The following CEP128 variants were observed in gnomAD, a reference collection of about 807,000 sequenced individuals.
CEP128 encodes the protein centrosomal protein 128.
In CEP128, 132 loss-of-function variants were observed where a neutral mutation model predicts 156.7. That is an observed-to-expected ratio of 0.84 (90% confidence interval 0.73 to 0.97). The LOEUF is 0.97. Among genes scored for constraint, CEP128 ranks in the 50% least tolerant of loss-of-function variants. The pLI is 0.00. For missense variants in CEP128, 1,252 were observed against 1,281.9 expected, an observed-to-expected ratio of 0.98 and a Z score of 0.36; for synonymous variants, 469 against 448.9, an observed-to-expected ratio of 1.04 and a Z score of -0.57.
At chr14:80,730,783 T>C (rs1202071054) in intron 19 of CEP128, among the ~76,000 whole-genome samples, 3 of 152,198 alleles carry the variant, frequency 2.0e-5, no homozygotes, top group Non-Finnish European at 4.4e-5. Flanking sequence ...AAAGTAGTTA[T>C]CACTTTCATA....
At chr14:80,517,674 C>T (rs149900213) in intron 23 of CEP128, among the ~76,000 whole-genome samples, 292 of 152,250 alleles carry the variant, frequency 1.9e-3, no homozygotes, top group African/African-American at 6.5e-3. Context: ...CCCAAGATGG[C>T]GGCAAGCCTC....
intron 24 of CEP128, among the ~76,000 whole-genome samples, chr14:80,499,229 CAGTT>C (rs1887629177): frequency 1.3e-5 from 2 of 152,186 alleles, no homozygotes; most frequent in African/African-American, 4.8e-5. Context: ...CATCTTTTCA[CAGTT>C]AGCCGGGTAG....
intron 19 of CEP128, among the ~76,000 whole-genome samples, chr14:80,594,270 T>C (rs1892218227): frequency 1.3e-5 from 2 of 152,206 alleles, no homozygotes; most frequent in African/African-American, 4.8e-5. Context: ...GCTAGCCATA[T>C]GCAGAAAACT....
downstream of CEP128, among the ~76,000 whole-genome samples, chr14:80,488,441 C>G (rs1357133394): frequency 1.3e-5 from 2 of 151,074 alleles, no homozygotes; most frequent in East Asian, 2.0e-4. Context: ...GAGATACCAT[C>G]TCACACCAGT....
At chr14:80,565,441 T>C (rs993474537) in intron 20 of CEP128, among the ~76,000 whole-genome samples, 2 of 152,166 alleles carry the variant, frequency 1.3e-5, no homozygotes, top group Non-Finnish European at 2.9e-5. Context: ...GGGAGACTGA[T>C]TTGAGTAATA....
chr14:80,557,335 C>T (rs1318757421), intron 21 of CEP128, among the ~76,000 whole-genome samples: 4 of 152,130 alleles, frequency 2.6e-5, no homozygotes, highest in African/African-American at 9.6e-5. Context: ...TAAATATTTT[C>T]ACGTGTATTT....
intron 9 of CEP128, among the ~76,000 whole-genome samples, chr14:80,847,079 T>A (rs756064545): frequency 1.3e-5 from 2 of 152,096 alleles, no homozygotes; most frequent in Non-Finnish European, 2.9e-5. Flanking sequence ...GAAAGAGACA[T>A]CCTCCAAGGT....
chr14:80,501,288 T>C (rs1024326938), intron 24 of CEP128, among the ~76,000 whole-genome samples: 1 of 151,910 alleles, frequency 6.6e-6, no homozygotes, highest in African/African-American at 2.4e-5. Flanking sequence ...TGTGGTAGGG[T>C]AGGAAGGAGG....
chr14:80,775,413 A>G (rs1203924769), intron 16 of CEP128, among the ~76,000 whole-genome samples: 1 of 152,240 alleles, frequency 6.6e-6, no homozygotes, highest in Non-Finnish European at 1.5e-5. Flanking sequence ...CATAGCAATC[A>G]TGTACATGAA....
intron 13 of CEP128, among the ~76,000 whole-genome samples, chr14:80,823,977 G>A (rs916815142): frequency 6.6e-6 from 1 of 152,242 alleles, no homozygotes; most frequent in Non-Finnish European, 1.5e-5. Context: ...CTTCTGCCTA[G>A]GCATCCAGGC....
intron 19 of CEP128, among the ~76,000 whole-genome samples, chr14:80,618,285 T>C (rs545875148): frequency 1.3e-5 from 2 of 152,224 alleles, no homozygotes; most frequent in African/African-American, 2.4e-5. Flanking sequence ...CAATCTATTA[T>C]AACATAAAGA....
At chr14:80,666,153 GCC>G (rs368278192) in intron 19 of CEP128, among the ~76,000 whole-genome samples, 2 of 152,248 alleles carry the variant, frequency 1.3e-5, no homozygotes, top group Non-Finnish European at 2.9e-5. Flanking sequence ...ATGTTATGTG[GCC>G]CCAGGATAAA....
At chr14:80,621,246 AT>A (rs1439791725) in intron 19 of CEP128, among the ~76,000 whole-genome samples, 2 of 152,182 alleles carry the variant, frequency 1.3e-5, no homozygotes, top group Non-Finnish European at 2.9e-5. Flanking sequence ...TAGTTGGAAA[AT>A]TACTTACCAT....
chr14:80,671,034 A>G (rs182676260), intron 19 of CEP128, among the ~76,000 whole-genome samples: 1,760 of 152,258 alleles, frequency 0.012, 25 homozygotes, highest in Non-Finnish European at 0.014. Context: ...GCTAAACCAG[A>G]GAATCCTTAC....
rs1004620445 is a variant in CEP128 at position 80,812,878 on chromosome 14, G to A, written c.1209+18265C>T. ...GCGCCCGGCCTGTTTTTGTCTGTTT[G>A]TTTGTTTTTTTAACTTTTCATTAAT... On this transcript the variant is annotated intron_variant, in intron 13 of 24. Transcript: ENST00000555265. 3.5e-4 allele frequency among the ~76,000 whole-genome samples: 53 copies of A among 151,748 alleles called. 1 individual carries two copies. Among genetic ancestry groups the A allele is most frequent in the Admixed American group, 3.4e-3 (51 of 15,222 alleles).
At chr14:80,944,597 C>T (rs1026413998), upstream of CEP128, among the ~76,000 whole-genome samples, 1 of 151,734 alleles carries the variant, frequency 6.6e-6, no homozygotes, top group Admixed American at 6.6e-5. Flanking sequence ...CTGAGGCAGG[C>T]GGATCACGAG....
intron 20 of CEP128, among the ~76,000 whole-genome samples, chr14:80,576,571 CT>C (rs1475855390): frequency 1.3e-5 from 2 of 152,108 alleles, no homozygotes; most frequent in Admixed American, 1.3e-4. Flanking sequence ...TCCACCCCCC[CT>C]GCCGTTTTAT....
At chr14:80,629,388 TTTGGAGAAA>T (rs1893869441) in intron 19 of CEP128, among the ~76,000 whole-genome samples, 1 of 152,160 alleles carries the variant, frequency 6.6e-6, no homozygotes, top group Non-Finnish European at 1.5e-5. Context: ...TCTTTTCCTT[TTTGGAGAAA>T]TAGAGGGCTT....
At chr14:80,658,630 T>C (rs972102809) in intron 19 of CEP128, among the ~76,000 whole-genome samples, 4 of 152,158 alleles carry the variant, frequency 2.6e-5, no homozygotes, top group Admixed American at 2.0e-4. Context: ...AAACAAGTAA[T>C]GCAATTAGTT....
Sources: allele counts gnomAD v4.1 joint callset (sites outside exome capture counted in the v4.1 genomes callset), GRCh38; gene constraint gnomAD v4.1.1; transcripts MANE v1.5; gene names NCBI Gene and HGNC (gene_info 2026-07-23, HGNC 2026-07-21).